The following ATP8A1 variants were observed in gnomAD, a reference collection of about 807,000 sequenced individuals.
ATP8A1 encodes the protein ATPase phospholipid transporting 8A1.
Under a neutral mutation model 177.7 loss-of-function variants are expected in ATP8A1, and 90 were observed. The observed-to-expected ratio is 0.51, with a 90% CI of 0.43 to 0.60. The LOEUF (loss-of-function observed/expected upper bound fraction) is 0.60. Ranked by LOEUF, ATP8A1 falls within the 20% of genes least tolerant of loss-of-function variation. The pLI is 0.00. For synonymous variants in ATP8A1, 493 were observed against 485.9 expected (o/e 1.01, Z -0.19); for missense variants, 1,072 against 1,392.8 (o/e 0.77, Z 3.67).
At chr4:42,469,486 C>T (rs1307308350) in intron 25 of ATP8A1, among the ~76,000 whole-genome samples, 2 of 152,134 alleles carry the variant, frequency 1.3e-5, no homozygotes, top group Non-Finnish European at 2.9e-5. Context: ...TTATAGCATC[C>T]ATTTAAAAAA....
chr4:42,477,886 T>C (rs779719142), intron 25 of ATP8A1, among the ~76,000 whole-genome samples: 2 of 150,838 alleles, frequency 1.3e-5, no homozygotes, highest in African/African-American at 4.9e-5. Flanking sequence ...AGGAGGCTGA[T>C]GTGAGAGGAC....
chr4:42,625,520 C>T, intron 3 of ATP8A1, 94 bp downstream of exon 3: 1 of 762,780 alleles, frequency 1.3e-6, no homozygotes, highest in Non-Finnish European at 2.0e-6. Flanking sequence ...ACCAGCTTAT[C>T]TCTCGGCATT....
intron 15 of ATP8A1, among the ~76,000 whole-genome samples, chr4:42,557,202 G>A (rs972229388): frequency 2.6e-5 from 4 of 152,066 alleles, no homozygotes; most frequent in African/African-American, 9.7e-5. Context: ...GCAGGTAGTA[G>A]TTTAGAATGA....
chr4:42,588,151 A>G (rs1733815372), intron 8 of ATP8A1, 109 bp downstream of exon 8: 1 of 820,392 alleles, frequency 1.2e-6, no homozygotes, highest in South Asian at 2.0e-5. Context: ...CCATGGGAAC[A>G]TATTTGCAAT....
At position 42,443,685 on chromosome 4, in the gene ATP8A1, G is replaced by GAA; in HGVS notation, c.3016-15_3016-14dup. ...CTATGTGGCTGAACTGTAGAGCAAG[G>GAA]AAATCTGAGTCAAAAAAGTTTTATG... On this transcript the variant is annotated splice_polypyrimidine_tract_variant and intron_variant, in intron 32 of 36. Transcript: ENST00000381668. 2 of 1,251,728 alleles carry GAA rather than the reference G, an allele frequency of 1.6e-6. No homozygotes were observed. The highest frequency in any genetic ancestry group is 3.8e-4 in the Middle Eastern group (2 of 5,306). 77.5% of individuals were successfully genotyped at this position (1,251,728 alleles called of 1,614,324 possible).
intron 9 of ATP8A1, among the ~76,000 whole-genome samples, chr4:42,585,704 G>A (rs138733345): frequency 6.6e-6 from 1 of 152,044 alleles, no homozygotes; most frequent in African/African-American, 2.4e-5. Flanking sequence ...ATATTTATCT[G>A]CTTTGTTCAC....
intron 1 of ATP8A1, among the ~76,000 whole-genome samples, chr4:42,654,093 C>A (rs1301757380): frequency 1.3e-5 from 2 of 152,232 alleles, no homozygotes; most frequent in South Asian, 4.1e-4. Context: ...CTGCGTTTAA[C>A]AAGATCCTCA....
intron 8 of ATP8A1, among the ~76,000 whole-genome samples, chr4:42,586,957 C>T (rs907378891): frequency 6.6e-6 from 1 of 152,292 alleles, no homozygotes; most frequent in African/African-American, 2.4e-5. Flanking sequence ...CTGAGCAGGG[C>T]CCCTCACACA....
At chr4:42,594,284 T>C in intron 6 of ATP8A1, 1 of 1,573,892 alleles carries the variant, frequency 6.4e-7, no homozygotes, top group Non-Finnish European at 8.7e-7. Flanking sequence ...AGTAGGCATC[T>C]CTACCTTGAT....
At chr4:42,507,729 C>CCAAAAAA (rs1271946462) in intron 22 of ATP8A1, among the ~76,000 whole-genome samples, 1 of 8,914 alleles carries the variant, frequency 1.1e-4, no homozygotes, top group East Asian at 0.01. Context: ...GACTCCATCT[C>CCAAAAAA]AAAAAAAAAA....
In ATP8A1 at chr4:42,477,542, G is replaced by A. The variant is rs112817932; in HGVS notation, c.2324+7954C>T. ...TTTTCTCCTAGAAAAACTCTTGCCTGGGGGCATACAGAGGATATAGATTGC... is the reference window on the plus strand; with the variant it reads ...TTTTCTCCTAGAAAAACTCTTGCCTAGGGGCATACAGAGGATATAGATTGC... On this transcript the variant is annotated intron_variant, in intron 25 of 36. Transcript: ENST00000381668. Among the ~76,000 whole-genome samples the A allele has an allele frequency of 6.5e-3, 984 of 152,250 alleles. 3 individuals carry two copies. The highest frequency in any genetic ancestry group is 0.011 in the Non-Finnish European group (735 of 68,022).
At chr4:42,643,220 G>A (rs759625378) in intron 1 of ATP8A1, among the ~76,000 whole-genome samples, 6 of 152,126 alleles carry the variant, frequency 3.9e-5, no homozygotes, top group Non-Finnish European at 8.8e-5. Context: ...ACACTAACAG[G>A]TGCATTTACT....
At chr4:42,463,182 A>G (rs1719356565) in intron 27 of ATP8A1, among the ~76,000 whole-genome samples, 1 of 152,182 alleles carries the variant, frequency 6.6e-6, no homozygotes, top group African/African-American at 2.4e-5. Flanking sequence ...TGGAAATGTG[A>G]AGACATGAGA....
chr4:42,630,865 G>C (rs946883197), intron 1 of ATP8A1, among the ~76,000 whole-genome samples: 1 of 152,152 alleles, frequency 6.6e-6, no homozygotes, highest in Non-Finnish European at 1.5e-5. Flanking sequence ...ACTTTCACTA[G>C]GCTTCAGTTT....
intron 17 of ATP8A1, among the ~76,000 whole-genome samples, 191 bp from the exon 18 acceptor site, chr4:42,551,471 T>C (rs1429495850): frequency 3.3e-5 from 5 of 152,190 alleles, no homozygotes; most frequent in Non-Finnish European, 7.4e-5. Flanking sequence ...ATCTTAAGTG[T>C]TGGAGACACA....
At chr4:42,536,751 A>C (rs959917599) in intron 20 of ATP8A1, among the ~76,000 whole-genome samples, 10 of 152,250 alleles carry the variant, frequency 6.6e-5, no homozygotes, top group African/African-American at 2.4e-4. Flanking sequence ...CACCAGGATC[A>C]AGTGGGTTTC....
intron 5 of ATP8A1, among the ~76,000 whole-genome samples, chr4:42,602,815 T>TA (rs902185502): frequency 6.6e-6 from 1 of 151,634 alleles, no homozygotes; most frequent in South Asian, 2.1e-4. Flanking sequence ...AATAAATAAA[T>TA]GAGAGCTCCC....
intron 36 of ATP8A1, among the ~76,000 whole-genome samples, chr4:42,414,118 TACTC>T (rs1441870818): frequency 1.3e-5 from 2 of 152,074 alleles, no homozygotes; most frequent in African/African-American, 2.4e-5. Context: ...AAAGATATAT[TACTC>T]ACACAAATAC....
Position 42,625,046 on chromosome 4 carries a change from GAA to G in ATP8A1, c.265-414_265-413del, listed in dbSNP as rs61670057. The G allele has an allele frequency of 5.3e-4, 67 of 127,270 alleles. No homozygotes were observed. The South Asian group carries it at 5.5e-3, about 11-fold the overall frequency. 7.9% of individuals were successfully genotyped at this position (127,270 alleles called of 1,614,324 possible). On this transcript the variant is annotated intron_variant, in intron 3 of 36. Transcript: ENST00000381668. ...GAAGTCAATAAACGATGCTTGGGAGGAAAAAAAAAAAAAAAAAGACCAGAAGG... is the reference window on the plus strand; with the variant it reads ...GAAGTCAATAAACGATGCTTGGGAGGAAAAAAAAAAAAAAAGACCAGAAGG...
Sources: gnomAD v4.1 joint callset for allele counts (sites outside exome capture counted in the v4.1 genomes callset) on GRCh38, gnomAD v4.1.1 for gene constraint, MANE v1.5 for transcripts, NCBI Gene and HGNC (gene_info 2026-07-23, HGNC 2026-07-21) for gene names.